The following RCAN1 variants were observed in gnomAD, a reference collection of about 807,000 sequenced individuals.
The protein encoded by RCAN1 is regulator of calcineurin 1, also known as calcipressin-1.
In RCAN1, 11 loss-of-function variants were observed where a neutral mutation model predicts 22.9. The ratio of observed to expected loss-of-function variants is 0.48; its 90% CI spans 0.30 to 0.79. RCAN1 has a LOEUF of 0.79. Ranked by LOEUF, RCAN1 falls within the 30% of genes least tolerant of loss-of-function variation. The pLI is 0.06. For synonymous variants in RCAN1, 136 were observed against 142.3 expected (o/e 0.96, Z 0.32); for missense variants, 291 against 337.8 (o/e 0.86, Z 1.09).
intron 1 of RCAN1, among the ~76,000 whole-genome samples, chr21:34,598,205 A>G (rs1249341480): frequency 6.6e-6 from 1 of 152,222 alleles, no homozygotes; most frequent in African/African-American, 2.4e-5. Context: ...TTTGAAAGTA[A>G]CAGTATACTT....
intron 1 of RCAN1, among the ~76,000 whole-genome samples, chr21:34,573,555 C>T (rs1205431614): frequency 6.6e-6 from 1 of 152,126 alleles, no homozygotes; most frequent in African/African-American, 2.4e-5. Context: ...CACTTTTTTC[C>T]TCTGTACATG....
At chr21:34,523,379 C>T (rs1984746333) in intron 2 of RCAN1, among the ~76,000 whole-genome samples, 158 bp downstream of exon 2, 1 of 152,190 alleles carries the variant, frequency 6.6e-6, no homozygotes, top group Admixed American at 6.5e-5. Context: ...CTTCTTAAAA[C>T]AAGTGAGACG....
At chr21:34,533,613 A>G (rs1023785799) in intron 1 of RCAN1, among the ~76,000 whole-genome samples, 4 of 151,980 alleles carry the variant, frequency 2.6e-5, no homozygotes, top group African/African-American at 9.7e-5. Flanking sequence ...AACAGACAAA[A>G]CTCCCCGCCC....
chr21:34,534,884 A>G (rs1285736897), intron 1 of RCAN1, among the ~76,000 whole-genome samples: 2 of 152,220 alleles, frequency 1.3e-5, no homozygotes, highest in Non-Finnish European at 2.9e-5. Context: ...GCACCATCAC[A>G]TGGAGACTGG....
At chr21:34,538,892 G>A (rs1017521555) in intron 1 of RCAN1, among the ~76,000 whole-genome samples, 2 of 152,088 alleles carry the variant, frequency 1.3e-5, no homozygotes, top group African/African-American at 2.4e-5. Flanking sequence ...CCAGCTAACC[G>A]ACCAACCCGC....
At chr21:34,555,604 T>A (rs898463715) in intron 1 of RCAN1, among the ~76,000 whole-genome samples, 3 of 150,244 alleles carry the variant, frequency 2.0e-5, no homozygotes, top group Non-Finnish European at 3.0e-5. Context: ...ATAATAATAA[T>A]AAAAAAATAA....
chr21:34,535,982 A>T (rs763493863), intron 1 of RCAN1, among the ~76,000 whole-genome samples: 10 of 152,196 alleles, frequency 6.6e-5, no homozygotes, highest in African/African-American at 1.2e-4. Context: ...ACAAATGTAC[A>T]TCTTAAGACT....
chr21:34,561,127 T>TC (rs1176528729), intron 1 of RCAN1, among the ~76,000 whole-genome samples: 2 of 152,184 alleles, frequency 1.3e-5, no homozygotes. Flanking sequence ...TGCCTGCTTC[T>TC]CCTTTGCCTT....
intron 1 of RCAN1, among the ~76,000 whole-genome samples, chr21:34,531,947 A>G (rs1985410306): frequency 6.6e-6 from 1 of 152,088 alleles, no homozygotes; most frequent in African/African-American, 2.4e-5. Context: ...GAAGCCCGAC[A>G]AGGCAGACTT....
chr21:34,530,359 C>T (rs1374865713), intron 1 of RCAN1, among the ~76,000 whole-genome samples: 1 of 152,144 alleles, frequency 6.6e-6, no homozygotes, highest in Non-Finnish European at 1.5e-5. Context: ...TGAATTCCAT[C>T]ATTCCCATTA....
intron 1 of RCAN1, among the ~76,000 whole-genome samples, chr21:34,574,244 C>T (rs937490531): frequency 1.3e-5 from 2 of 152,228 alleles, no homozygotes; most frequent in African/African-American, 4.8e-5. Flanking sequence ...AAATTGGACA[C>T]TATAAGCCAA....
intron 1 of RCAN1, among the ~76,000 whole-genome samples, chr21:34,564,369 C>T (rs1986928073): frequency 6.6e-6 from 1 of 152,170 alleles, no homozygotes; most frequent in African/African-American, 2.4e-5. Flanking sequence ...AGGCAGGGGC[C>T]AGATCCATTG....
chr21:34,539,294 T>C (rs890649168), intron 1 of RCAN1, among the ~76,000 whole-genome samples: 5 of 152,206 alleles, frequency 3.3e-5, no homozygotes, highest in Non-Finnish European at 7.3e-5. Context: ...GATCAGATAA[T>C]ATACATGCTA....
At chr21:34,579,876 A>G (rs1033950576) in intron 1 of RCAN1, among the ~76,000 whole-genome samples, 1 of 152,226 alleles carries the variant, frequency 6.6e-6, no homozygotes, top group African/African-American at 2.4e-5. Flanking sequence ...ACTGGTTTGC[A>G]GTTGTGACCT....
chr21:34,587,026 A>G (rs1987824086), intron 1 of RCAN1, among the ~76,000 whole-genome samples: 1 of 152,176 alleles, frequency 6.6e-6, no homozygotes, highest in Non-Finnish European at 1.5e-5. Flanking sequence ...ACAGAAATTA[A>G]GTCAAATGTT....
At chr21:34,568,528 C>T (rs1987116937) in intron 1 of RCAN1, among the ~76,000 whole-genome samples, 1 of 152,184 alleles carries the variant, frequency 6.6e-6, no homozygotes. Context: ...GTTTGTGCCA[C>T]CTTGGTTCCC....
At chr21:34,585,959 T>C (rs1987779481) in intron 1 of RCAN1, among the ~76,000 whole-genome samples, 1 of 152,010 alleles carries the variant, frequency 6.6e-6, no homozygotes, top group Non-Finnish European at 1.5e-5. Flanking sequence ...GGACATTTAA[T>C]AATAAAAAAG....
At chr21:34,573,854 G>A (rs1987317485) in intron 1 of RCAN1, among the ~76,000 whole-genome samples, 2 of 151,994 alleles carry the variant, frequency 1.3e-5, no homozygotes, top group Admixed American at 6.6e-5. Context: ...TTTTGTTGTC[G>A]CTGTTACAAT....
intron 1 of RCAN1, among the ~76,000 whole-genome samples, chr21:34,598,841 T>G (rs1181649603): frequency 1.3e-5 from 2 of 152,042 alleles, no homozygotes; most frequent in Non-Finnish European, 2.9e-5. Context: ...TAGCGCAAGA[T>G]ATACACAATC....
Sources: allele counts gnomAD v4.1 joint callset (sites outside exome capture counted in the v4.1 genomes callset), GRCh38; gene constraint gnomAD v4.1.1; transcripts MANE v1.5; gene names NCBI Gene and HGNC (gene_info 2026-07-23, HGNC 2026-07-21).